Variants in NCKAP5 observed in about 807,000 individuals in gnomAD.
The protein encoded by NCKAP5 is NCK associated protein 5.
A neutral mutation model predicts 167.0 loss-of-function variants in NCKAP5; 92 were observed. That is an observed-to-expected ratio of 0.55 (90% CI 0.47 to 0.66). The LOEUF is 0.66. Among genes scored for constraint, NCKAP5 ranks in the 30% least tolerant of loss-of-function variants. NCKAP5 has a pLI of 0.00. For synonymous variants in NCKAP5, 891 were observed against 877.4 expected, an observed-to-expected ratio of 1.02 and a Z score of -0.27; for missense variants, 2,378 against 2,315.0, an observed-to-expected ratio of 1.03 and a Z score of -0.56.
At chr2:132,890,762 T>C (rs1692632788) in intron 8 of NCKAP5, among the ~76,000 whole-genome samples, 1 of 152,202 alleles carries the variant, frequency 6.6e-6, no homozygotes, top group South Asian at 2.1e-4. Context: ...TGTAGCGTAG[T>C]TGGCTAAAGG....
At chr2:133,534,572 C>T (rs1685609835) in intron 2 of NCKAP5, among the ~76,000 whole-genome samples, 1 of 152,284 alleles carries the variant, frequency 6.6e-6, no homozygotes, top group South Asian at 2.1e-4. Context: ...ACACTTCCCA[C>T]ACATAGAATC....
the NCKAP5 span, among the ~76,000 whole-genome samples, chr2:133,603,206 GT>G: frequency 1.2e-3 from 178 of 142,770 alleles, no homozygotes; most frequent in South Asian, 3.9e-3. Flanking sequence ...GATGGCATCG[GT>G]TTTTTTTTTT....
intron 4 of NCKAP5, among the ~76,000 whole-genome samples, chr2:133,259,229 C>A (rs2150363704): frequency 6.6e-6 from 1 of 152,316 alleles, no homozygotes; most frequent in Admixed American, 6.5e-5. Context: ...ATCTTCCAAT[C>A]TCCCATTCCA....
the NCKAP5 span, among the ~76,000 whole-genome samples, chr2:133,586,183 A>C: frequency 1.3e-5 from 2 of 152,332 alleles, no homozygotes; most frequent in South Asian, 2.1e-4. Flanking sequence ...TCAATACTTA[A>C]GTATTAATGA....
chr2:133,541,200 A>G (rs1686203984), intron 2 of NCKAP5, among the ~76,000 whole-genome samples: 1 of 151,830 alleles, frequency 6.6e-6, no homozygotes, highest in Admixed American at 6.6e-5. Context: ...AAAAAATTAA[A>G]TCCTTTTGAA....
chr2:133,509,341 G>A (rs886629120), intron 3 of NCKAP5, among the ~76,000 whole-genome samples: 1 of 152,206 alleles, frequency 6.6e-6, no homozygotes, highest in South Asian at 2.1e-4. Flanking sequence ...AATCTCTGAT[G>A]TAAAACAAAC....
rs369275489 is a variant in NCKAP5, at chr2:132,868,510, C to T, written c.687+426G>A. On this transcript the variant is annotated intron_variant, in intron 10 of 19. Transcript: ENST00000409261. Reference sequence around the variant, plus strand: ...CCCAGGAAGCGGGAATTGTTATTCCCACATTACAGAAGAGGAACTAGGGCT... The same window carrying T: ...CCCAGGAAGCGGGAATTGTTATTCCTACATTACAGAAGAGGAACTAGGGCT... Among the ~76,000 whole-genome samples the T allele has an allele frequency of 3.4e-3, 515 of 152,240 alleles. 2 individuals carry two copies. The highest frequency in any genetic ancestry group is 0.012 in the African/African-American group (497 of 41,548).
At chr2:132,790,250 G>T (rs756709268) in intron 12 of NCKAP5, 45 bp from the exon 13 acceptor site, 2 of 1,536,132 alleles carry the variant, frequency 1.3e-6, no homozygotes, top group Non-Finnish European at 1.8e-6. Flanking sequence ...GCTCAGAGGA[G>T]AGTAAATATC....
At chr2:132,789,900 T>C (rs1014695651) in intron 13 of NCKAP5, 123 bp downstream of exon 13, 1 of 819,936 alleles carries the variant, frequency 1.2e-6, no homozygotes, top group African/African-American at 1.7e-5. Context: ...GTATAATACA[T>C]GAGCAGGTGC....
intron 3 of NCKAP5, among the ~76,000 whole-genome samples, chr2:133,356,255 C>CA (rs1684710011): frequency 6.6e-6 from 1 of 152,152 alleles, no homozygotes; most frequent in Non-Finnish European, 1.5e-5. Context: ...TCTCAAATCC[C>CA]ATCTCAGACC....
intron 3 of NCKAP5, among the ~76,000 whole-genome samples, chr2:133,474,077 T>C (rs558744377): frequency 1.3e-5 from 2 of 152,104 alleles, no homozygotes; most frequent in African/African-American, 4.8e-5. Flanking sequence ...TCAACCTAAG[T>C]GTCTGTCAAC....
intron 5 of NCKAP5, among the ~76,000 whole-genome samples, chr2:133,173,117 T>C (rs949807283): frequency 2.6e-5 from 4 of 152,172 alleles, no homozygotes. Context: ...GGTGAGATTA[T>C]GTTTGATCTC....
chr2:133,505,512 C>G (rs1010839660), intron 3 of NCKAP5, among the ~76,000 whole-genome samples: 1 of 152,122 alleles, frequency 6.6e-6, no homozygotes, highest in East Asian at 1.9e-4. Flanking sequence ...GTCTGCATGC[C>G]AGGCATGGTA....
chr2:132,806,539 CAT>C (rs1330490495), intron 11 of NCKAP5, among the ~76,000 whole-genome samples: 1 of 151,934 alleles, frequency 6.6e-6, no homozygotes, highest in Non-Finnish European at 1.5e-5. Flanking sequence ...AGCATTTTTT[CAT>C]ATGTTTGGTA....
intron 6 of NCKAP5, among the ~76,000 whole-genome samples, chr2:133,114,369 C>A (rs562220145): frequency 1.3e-5 from 2 of 152,182 alleles, no homozygotes; most frequent in Non-Finnish European, 2.9e-5. Flanking sequence ...AATTGAGTTT[C>A]AACATTAACT....
At chr2:133,473,627 A>T (rs1459970810) in intron 3 of NCKAP5, among the ~76,000 whole-genome samples, 1 of 152,250 alleles carries the variant, frequency 6.6e-6, no homozygotes, top group Non-Finnish European at 1.5e-5. Flanking sequence ...TTTTGAAATC[A>T]GGGCTCAGTT....
intron 8 of NCKAP5, among the ~76,000 whole-genome samples, chr2:132,922,260 G>C (rs1347599426): frequency 6.6e-6 from 1 of 152,174 alleles, no homozygotes; most frequent in Non-Finnish European, 1.5e-5. Context: ...TAAAAGCTCA[G>C]AGACCAAGAA....
intron 16 of NCKAP5, among the ~76,000 whole-genome samples, chr2:132,758,362 A>G (rs1680727860): frequency 6.6e-6 from 1 of 152,196 alleles, no homozygotes; most frequent in African/African-American, 2.4e-5. Flanking sequence ...TCTACAAGTC[A>G]TTTGTTGCCA....
intron 8 of NCKAP5, among the ~76,000 whole-genome samples, chr2:132,899,602 C>A (rs1387865712): frequency 1.3e-5 from 2 of 152,240 alleles, no homozygotes; most frequent in African/African-American, 4.8e-5. Context: ...GGGCCGAGCA[C>A]AGTGGCTCAT....
Sources: gnomAD v4.1 joint callset for allele counts (sites outside exome capture counted in the v4.1 genomes callset) on GRCh38, gnomAD v4.1.1 for gene constraint, MANE v1.5 for transcripts, NCBI Gene and HGNC (gene_info 2026-07-23, HGNC 2026-07-21) for gene names.